Variants in RAP1A observed in about 807,000 individuals in gnomAD.
RAP1A encodes the protein ras-related protein Rap-1A.
In RAP1A, 6 loss-of-function variants were observed where a neutral mutation model predicts 26.4. That is an observed-to-expected ratio of 0.23 (90% CI 0.12 to 0.45). The LOEUF (loss-of-function observed/expected upper bound fraction) is 0.45, where lower values mean the gene tolerates loss of function less well. Among genes scored for constraint, RAP1A ranks in the 20% least tolerant of loss-of-function variants. The pLI, the probability that RAP1A is intolerant of heterozygous loss-of-function variation, is 0.99. For synonymous variants in RAP1A, 73 were observed against 79.4 expected, an observed-to-expected ratio of 0.92 and a Z score of 0.43; for missense variants, 121 against 217.2, an observed-to-expected ratio of 0.56 and a Z score of 2.78.
intron 1 of RAP1A, among the ~76,000 whole-genome samples, chr1:111,680,948 A>C (rs1557889669): frequency 1.3e-5 from 2 of 152,212 alleles, no homozygotes; most frequent in African/African-American, 4.8e-5. Context: ...AAAAACCAGC[A>C]CAAAAATACT....
chr1:111,708,989 AC>A (rs1662287383), intron 6 of RAP1A, among the ~76,000 whole-genome samples, 159 bp from the exon 7 acceptor site: 1 of 152,184 alleles, frequency 6.6e-6, no homozygotes, highest in Non-Finnish European at 1.5e-5. Context: ...CCTGCTTTCT[AC>A]CCTGATTGAA....
chr1:111,683,316 A>G (rs12049420), intron 1 of RAP1A, among the ~76,000 whole-genome samples: 43,784 of 151,806 alleles, frequency 0.29, 7,086 homozygotes, highest in East Asian at 0.46. Context: ...AATAACTAAG[A>G]TCAGAGCAGA....
At chr1:111,617,930 C>A (rs1040821682), upstream of RAP1A, among the ~76,000 whole-genome samples, 1 of 151,886 alleles carries the variant, frequency 6.6e-6, no homozygotes, top group Non-Finnish European at 1.5e-5. Flanking sequence ...GTAATCCCAG[C>A]TGCTTTGGAG....
chr1:111,551,802 C>A (rs1164396748), intron 1 of RAP1A, among the ~76,000 whole-genome samples: 2 of 147,860 alleles, frequency 1.4e-5, no homozygotes, highest in Admixed American at 6.8e-5. Context: ...AGGGATTCTG[C>A]AACTTTATTG....
intron 1 of RAP1A, among the ~76,000 whole-genome samples, chr1:111,673,286 A>G (rs2101187706): frequency 6.6e-6 from 1 of 152,336 alleles, no homozygotes; most frequent in African/African-American, 2.4e-5. Flanking sequence ...AACTAATAAT[A>G]TACTGCTTAA....
At chr1:111,651,639 G>A (rs1386796558) in intron 1 of RAP1A, among the ~76,000 whole-genome samples, 1 of 152,028 alleles carries the variant, frequency 6.6e-6, no homozygotes, top group Admixed American at 6.6e-5. Context: ...ACCATGCCCA[G>A]CTGATTTTTT....
intron 1 of RAP1A, among the ~76,000 whole-genome samples, chr1:111,561,533 G>A (rs1362284429): frequency 6.6e-6 from 1 of 152,060 alleles, no homozygotes; most frequent in African/African-American, 2.4e-5. Flanking sequence ...GAAGGGAGGA[G>A]GAAATACAGA....
At chr1:111,615,961 T>C (rs11801017), upstream of RAP1A, among the ~76,000 whole-genome samples, 8,328 of 152,238 alleles carry the variant, frequency 0.055, 516 homozygotes, top group African/African-American at 0.15. Context: ...CAATGTTTAT[T>C]GAACAGTGCA....
intron 1 of RAP1A, among the ~76,000 whole-genome samples, chr1:111,676,376 A>T (rs368519122): frequency 2.0e-5 from 3 of 151,968 alleles, no homozygotes; most frequent in African/African-American, 7.3e-5. Flanking sequence ...ATAAGGTGAG[A>T]TTTGGGTGGG....
At chr1:111,615,084 C>G (rs183336260), upstream of RAP1A, among the ~76,000 whole-genome samples, 1 of 152,090 alleles carries the variant, frequency 6.6e-6, no homozygotes, top group African/African-American at 2.4e-5. Context: ...AATACGTTGA[C>G]TCCTTTGTAA....
chr1:111,651,029 C>T (rs896692244), intron 1 of RAP1A, among the ~76,000 whole-genome samples: 1 of 152,112 alleles, frequency 6.6e-6, no homozygotes, highest in African/African-American at 2.4e-5. Context: ...GTCTCGATCT[C>T]CTGACCTCGT....
At chr1:111,659,507 G>A (rs1660565699) in intron 1 of RAP1A, among the ~76,000 whole-genome samples, 2 of 149,368 alleles carry the variant, frequency 1.3e-5, no homozygotes, top group South Asian at 2.1e-4. Context: ...CGTTGTGACA[G>A]TCTCTTTTTT....
chr1:111,653,456 C>A (rs1001423774), intron 1 of RAP1A, among the ~76,000 whole-genome samples: 1 of 151,400 alleles, frequency 6.6e-6, no homozygotes, highest in South Asian at 2.1e-4. Context: ...CTGAGGCGGG[C>A]GGATCACCTG....
intron 1 of RAP1A, among the ~76,000 whole-genome samples, chr1:111,688,810 TTTTTTTTTTTTG>T (rs71099934): frequency 0.22 from 27,625 of 123,850 alleles, 2,542 homozygotes; most frequent in Middle Eastern, 0.25. Flanking sequence ...TTGTTTTTGT[TTTTTTTTTTTTG>T]TTTTTTTTTT....
intron 1 of RAP1A, among the ~76,000 whole-genome samples, chr1:111,644,043 A>T (rs374828857): frequency 7.9e-5 from 12 of 152,186 alleles, no homozygotes; most frequent in Non-Finnish European, 1.5e-4. Context: ...CACATTATTG[A>T]CGATAATCTC....
chr1:111,689,869 GGTTTCA>G, intron 1 of RAP1A, among the ~76,000 whole-genome samples: 1 of 152,190 alleles, frequency 6.6e-6, no homozygotes, highest in East Asian at 1.9e-4. Flanking sequence ...GTAGAGATGG[GGTTTCA>G]CCATGGTAGC....
chr1:111,686,623 G>A (rs1223676090), intron 1 of RAP1A: 1 of 147,010 alleles, frequency 6.8e-6, no homozygotes, highest in East Asian at 2.1e-4. Context: ...CAAGGGAGGT[G>A]GAGACTGCAG....
At chr1:111,610,990 C>T (rs1327114776) in intron 1 of RAP1A, among the ~76,000 whole-genome samples, 2 of 152,064 alleles carry the variant, frequency 1.3e-5, no homozygotes, top group Non-Finnish European at 2.9e-5. Context: ...AAGCCCATTG[C>T]CCTTTCTTCT....
chr1:111,654,578 ATAATAT>A (rs1421321620), intron 1 of RAP1A, among the ~76,000 whole-genome samples: 1 of 152,196 alleles, frequency 6.6e-6, no homozygotes, highest in Non-Finnish European at 1.5e-5. Flanking sequence ...GGTGATTATA[ATAATAT>A]TATAGAATTG....
Sources: gnomAD v4.1 joint callset for allele counts (sites outside exome capture counted in the v4.1 genomes callset) on GRCh38, gnomAD v4.1.1 for gene constraint, MANE v1.5 for transcripts, NCBI Gene and HGNC (gene_info 2026-07-23, HGNC 2026-07-21) for gene names.